Variants in CTNNA3 observed in about 807,000 individuals in gnomAD.
CTNNA3 encodes the protein catenin alpha 3, also known as catenin alpha-3.
CTNNA3 carries 76 observed loss-of-function variants against 95.7 expected under a neutral mutation model. The observed-to-expected ratio is 0.79, with a 90% CI of 0.66 to 0.96. CTNNA3 has a LOEUF of 0.96. CTNNA3 is among the 40% of genes least tolerant of loss of function. CTNNA3 has a pLI of 0.00. For synonymous variants in CTNNA3, 431 were observed against 374.4 expected (o/e 1.15, Z -1.74); for missense variants, 1,191 against 1,089.8 (o/e 1.09, Z -1.31).
chr10:66,757,004 C>T (rs1206706050), intron 9 of CTNNA3, among the ~76,000 whole-genome samples: 2 of 152,186 alleles, frequency 1.3e-5, no homozygotes, highest in African/African-American at 2.4e-5. Flanking sequence ...CATTTCAAAA[C>T]AAACAGGCTT....
chr10:66,555,824 A>G (rs1032760278), intron 10 of CTNNA3, among the ~76,000 whole-genome samples: 3 of 152,060 alleles, frequency 2.0e-5, no homozygotes, highest in Non-Finnish European at 4.4e-5. Context: ...GACCCTGGAA[A>G]TAACTTTTGG....
chr10:67,623,625 T>C (rs149099016), intron 2 of CTNNA3, among the ~76,000 whole-genome samples: 167 of 152,184 alleles, frequency 1.1e-3, no homozygotes, highest in African/African-American at 3.8e-3. Flanking sequence ...ATCATTTTCA[T>C]AGGAATTGTG....
chr10:67,068,408 A>G (rs865798064), intron 7 of CTNNA3, among the ~76,000 whole-genome samples: 1 of 152,200 alleles, frequency 6.6e-6, no homozygotes, highest in Non-Finnish European at 1.5e-5. Flanking sequence ...CATTCGATGG[A>G]TCTGTCTGTT....
intron 2 of CTNNA3, among the ~76,000 whole-genome samples, chr10:67,643,307 G>A (rs1239081718): frequency 6.6e-6 from 1 of 151,574 alleles, no homozygotes; most frequent in African/African-American, 2.4e-5. Flanking sequence ...ACACACTGGG[G>A]TCTGTCAGCA....
chr10:66,529,487 T>C (rs1841392059), intron 10 of CTNNA3, among the ~76,000 whole-genome samples: 1 of 150,386 alleles, frequency 6.6e-6, no homozygotes, highest in African/African-American at 2.4e-5. Flanking sequence ...TCTTCTGAAA[T>C]GATAAAATGA....
chr10:66,777,173 G>A (rs1840334225), intron 7 of CTNNA3, among the ~76,000 whole-genome samples: 1 of 152,118 alleles, frequency 6.6e-6, no homozygotes, highest in Admixed American at 6.6e-5. Context: ...GCCATCATTG[G>A]AGATCATTCG....
intron 15 of CTNNA3, among the ~76,000 whole-genome samples, chr10:66,036,872 T>A (rs12572448): frequency 2.6e-4 from 35 of 135,592 alleles, no homozygotes; most frequent in East Asian, 8.7e-4. Context: ...ATTTTTTTTT[T>A]TTTTTTTTTT....
chr10:66,742,235 G>A (rs1000048761), intron 9 of CTNNA3, among the ~76,000 whole-genome samples: 7 of 152,120 alleles, frequency 4.6e-5, no homozygotes, highest in Non-Finnish European at 8.8e-5. Flanking sequence ...TTTTATGGTC[G>A]TAGCTGTGGG....
chr10:66,521,566 T>C (rs1841069938), intron 10 of CTNNA3, among the ~76,000 whole-genome samples: 2 of 152,276 alleles, frequency 1.3e-5, no homozygotes, highest in South Asian at 4.1e-4. Context: ...AGCACTGTAA[T>C]GGTGAAGAAG....
chr10:66,847,156 G>T (rs1005822711), intron 7 of CTNNA3, among the ~76,000 whole-genome samples: 1 of 152,142 alleles, frequency 6.6e-6, no homozygotes, highest in Non-Finnish European at 1.5e-5. Flanking sequence ...TCTATTTCAA[G>T]TCCATAGAGA....
chr10:66,120,160 C>T (rs1442103509), intron 13 of CTNNA3, among the ~76,000 whole-genome samples: 1 of 152,000 alleles, frequency 6.6e-6, no homozygotes, highest in Non-Finnish European at 1.5e-5. Context: ...TAAGTTGATA[C>T]CATGCACATT....
chr10:66,070,158 G>A (rs1204514657), intron 14 of CTNNA3, among the ~76,000 whole-genome samples: 4 of 152,056 alleles, frequency 2.6e-5, no homozygotes, highest in Non-Finnish European at 5.9e-5. Context: ...ACAAGACTAA[G>A]TTTTTAACTG....
intron 7 of CTNNA3, among the ~76,000 whole-genome samples, chr10:66,806,993 G>C (rs983168799): frequency 6.6e-6 from 1 of 152,076 alleles, no homozygotes; most frequent in East Asian, 1.9e-4. Context: ...ACAGAGAATA[G>C]GATGAAAGCT....
At chr10:66,050,881 T>C (rs2079940938) in intron 15 of CTNNA3, among the ~76,000 whole-genome samples, 1 of 151,498 alleles carries the variant, frequency 6.6e-6, no homozygotes, top group South Asian at 2.1e-4. Flanking sequence ...AGAGATGGGG[T>C]CTTGTTCTTT....
At position 67,308,276 on chromosome 10, in the gene CTNNA3, G is replaced by A. The variant is rs1391422438; in HGVS notation, c.580-88406C>T. On this transcript the variant is annotated intron_variant, in intron 5 of 17. Transcript: ENST00000433211. ...GCTCCCATAATACCCATGTGTCATCGGAGGGACCCGGGGGGGAAGTAATTG... is the reference window on the plus strand; with the variant it reads ...GCTCCCATAATACCCATGTGTCATCAGAGGGACCCGGGGGGGAAGTAATTG... 3.7e-4 allele frequency among the ~76,000 whole-genome samples: 57 copies of A among 152,282 alleles called. 1 individual carries two copies. The highest frequency in any genetic ancestry group is 6.5e-5 in the Admixed American group (1 of 15,300).
At chr10:67,494,117 G>A (rs534497529) in intron 5 of CTNNA3, among the ~76,000 whole-genome samples, 2 of 152,290 alleles carry the variant, frequency 1.3e-5, no homozygotes, top group South Asian at 4.1e-4. Context: ...TCTCAAAATA[G>A]ATGCTGAAAC....
intron 12 of CTNNA3, among the ~76,000 whole-genome samples, chr10:66,314,753 G>A (rs1167187486): frequency 6.6e-6 from 1 of 151,988 alleles, no homozygotes; most frequent in Non-Finnish European, 1.5e-5. Flanking sequence ...TGTTCAAACT[G>A]TCTTTTACAA....
At chr10:67,694,242 T>C (rs1436346511) in intron 1 of CTNNA3, among the ~76,000 whole-genome samples, 1 of 152,204 alleles carries the variant, frequency 6.6e-6, no homozygotes, top group African/African-American at 2.4e-5. Context: ...TTGATATCTG[T>C]AAAAGTTTAT....
At chr10:67,210,546 T>G (rs1329747657) in intron 6 of CTNNA3, among the ~76,000 whole-genome samples, 1 of 152,198 alleles carries the variant, frequency 6.6e-6, no homozygotes, top group Non-Finnish European at 1.5e-5. Context: ...TGAATCAAGC[T>G]AATTAACATG....
Sources: gnomAD v4.1 joint callset for allele counts (sites outside exome capture counted in the v4.1 genomes callset) on GRCh38, gnomAD v4.1.1 for gene constraint, MANE v1.5 for transcripts, NCBI Gene and HGNC (gene_info 2026-07-23, HGNC 2026-07-21) for gene names.